Variants in NCAM2 observed in about 807,000 individuals in gnomAD.
The protein encoded by NCAM2 is neural cell adhesion molecule 2, also known as N-CAM-2.
NCAM2 carries 30 observed loss-of-function variants against 98.1 expected under a neutral mutation model. The ratio of observed to expected loss-of-function variants is 0.31; its 90% CI spans 0.23 to 0.41. The LOEUF (loss-of-function observed/expected upper bound fraction) is 0.41, where lower values mean the gene tolerates loss of function less well. NCAM2 is among the 10% of genes least tolerant of loss of function. The pLI, the probability that NCAM2 is intolerant of heterozygous loss-of-function variation, is 1.00. For missense variants in NCAM2, 867 were observed against 1,005.8 expected (o/e 0.86, Z 1.87); for synonymous variants, 368 against 342.4 (o/e 1.07, Z -0.83).
chr21:21,157,895 G>C (rs2067663481), intron 1 of NCAM2, among the ~76,000 whole-genome samples: 1 of 152,112 alleles, frequency 6.6e-6, no homozygotes, highest in Non-Finnish European at 1.5e-5. Context: ...CAGAAATGTA[G>C]AGCCTAGTTA....
At chr21:21,232,294 A>G (rs1350802975) in intron 1 of NCAM2, among the ~76,000 whole-genome samples, 1 of 151,704 alleles carries the variant, frequency 6.6e-6, no homozygotes, top group East Asian at 1.9e-4. Context: ...ATAAATGGAT[A>G]CACATTCATA....
chr21:21,482,777 A>AT (rs894370457), intron 15 of NCAM2, among the ~76,000 whole-genome samples: 5 of 56,914 alleles, frequency 8.8e-5, no homozygotes, highest in African/African-American at 5.1e-4. Context: ...AATATTTTTC[A>AT]TTTTTTCTTA....
chr21:21,164,944 T>C (rs1001956432), intron 1 of NCAM2, among the ~76,000 whole-genome samples: 3 of 152,296 alleles, frequency 2.0e-5, no homozygotes, highest in Admixed American at 6.5e-5. Flanking sequence ...ACTACAAAAA[T>C]TGATTGAATT....
chr21:21,199,284 A>G (rs1313066724), intron 1 of NCAM2, among the ~76,000 whole-genome samples: 2 of 152,214 alleles, frequency 1.3e-5, no homozygotes, highest in Admixed American at 6.5e-5. Flanking sequence ...CCTGTCTTTC[A>G]TAAGGGCCAG....
rs780577209 is a variant in NCAM2 at position 20,998,591 on chromosome 21, C to T, written c.28C>T (p.Leu10=). The change falls in exon 1 of 18, where the codon CTG becomes TTG. Residue 10 remains leucine, a synonymous_variant. Transcript: ENST00000400546. ...GAGCCTCCTCCTCTCCTTCTACCTG[C>T]TGGGGTTGCTTGTCAGTAGCGGGCA... MSLLLSFYL[L]GLLVSSGQAL... 5.3e-5 allele frequency: 86 copies of T among 1,614,020 alleles called. No homozygotes were observed. The highest frequency in any genetic ancestry group is 7.1e-5 in the Non-Finnish European group (84 of 1,180,020).
chr21:21,387,181 C>T (rs2076287898), intron 9 of NCAM2, among the ~76,000 whole-genome samples: 1 of 71,662 alleles, frequency 1.4e-5, no homozygotes. Flanking sequence ...GGTGCGCACA[C>T]ACACATACAC....
chr21:21,511,877 C>G (rs1475135512), intron 16 of NCAM2, among the ~76,000 whole-genome samples: 1 of 151,864 alleles, frequency 6.6e-6, no homozygotes, highest in Non-Finnish European at 1.5e-5. Flanking sequence ...TACTTGCTGT[C>G]TACTTGTATG....
At chr21:21,507,758 C>G (rs1484697643) in intron 15 of NCAM2, among the ~76,000 whole-genome samples, 1 of 146,870 alleles carries the variant, frequency 6.8e-6, no homozygotes, top group Non-Finnish European at 1.5e-5. Flanking sequence ...CCACTGCACT[C>G]CAGCCTGGTG....
At chr21:21,492,370 A>G (rs1986911406) in intron 15 of NCAM2, among the ~76,000 whole-genome samples, 1 of 151,840 alleles carries the variant, frequency 6.6e-6, no homozygotes, top group South Asian at 2.1e-4. Context: ...GTGTCAGAGG[A>G]AAGGCTATGT....
chr21:21,099,377 A>G (rs1008072175), intron 1 of NCAM2, among the ~76,000 whole-genome samples: 1 of 151,882 alleles, frequency 6.6e-6, no homozygotes, highest in Non-Finnish European at 1.5e-5. Flanking sequence ...GAGACTAGGT[A>G]ATTTATAAGG....
At chr21:21,477,034 A>G (rs1041058325) in intron 14 of NCAM2, among the ~76,000 whole-genome samples, 1 of 152,044 alleles carries the variant, frequency 6.6e-6, no homozygotes, top group African/African-American at 2.4e-5. Context: ...TAATGGAGGT[A>G]AATTGTCAAC....
chr21:21,043,876 A>G (rs980431321), intron 1 of NCAM2, among the ~76,000 whole-genome samples: 1 of 151,034 alleles, frequency 6.6e-6, no homozygotes, highest in Non-Finnish European at 1.5e-5. Flanking sequence ...AAGAAAAAAG[A>G]AAGTAGATAT....
At chr21:21,342,229 TA>T (rs2075062895) in intron 8 of NCAM2, among the ~76,000 whole-genome samples, 2 of 152,226 alleles carry the variant, frequency 1.3e-5, no homozygotes, top group Non-Finnish European at 2.9e-5. Flanking sequence ...TACTGCATAG[TA>T]AATGACCCCA....
intron 1 of NCAM2, among the ~76,000 whole-genome samples, chr21:21,126,981 T>A (rs1394805178): frequency 6.6e-6 from 1 of 151,960 alleles, no homozygotes; most frequent in Non-Finnish European, 1.5e-5. Flanking sequence ...TACTCTCTCA[T>A]CTACTTCCCT....
intron 5 of NCAM2, among the ~76,000 whole-genome samples, chr21:21,314,413 T>C (rs2074154145): frequency 6.6e-6 from 1 of 152,146 alleles, no homozygotes; most frequent in Non-Finnish European, 1.5e-5. Flanking sequence ...TTGGTGTTTG[T>C]ATATTTTTGG....
chr21:21,336,252 T>C (rs1470057537), intron 7 of NCAM2, among the ~76,000 whole-genome samples: 1 of 152,118 alleles, frequency 6.6e-6, no homozygotes, highest in Non-Finnish European at 1.5e-5. Context: ...CTAATAGAAT[T>C]TTTCCCTTTA....
At chr21:21,383,905 T>C (rs927833285) in intron 9 of NCAM2, among the ~76,000 whole-genome samples, 1 of 152,096 alleles carries the variant, frequency 6.6e-6, no homozygotes. Flanking sequence ...TTGTTTAAAC[T>C]ACAAAATTTA....
At chr21:21,102,895 GT>G (rs1365565975) in intron 1 of NCAM2, among the ~76,000 whole-genome samples, 3 of 151,978 alleles carry the variant, frequency 2.0e-5, no homozygotes, top group African/African-American at 7.2e-5. Flanking sequence ...CTATAATTAT[GT>G]AATATATCCT....
At chr21:21,312,983 C>T (rs886189396) in intron 5 of NCAM2, among the ~76,000 whole-genome samples, 2 of 151,418 alleles carry the variant, frequency 1.3e-5, no homozygotes, top group African/African-American at 4.8e-5. Context: ...GGATGTGGTT[C>T]GTATTTTCAA....
Sources: gnomAD v4.1 joint callset for allele counts (sites outside exome capture counted in the v4.1 genomes callset) on GRCh38, gnomAD v4.1.1 for gene constraint, MANE v1.5 for transcripts, NCBI Gene and HGNC (gene_info 2026-07-23, HGNC 2026-07-21) for gene names.